The following NECTIN1 variants were observed in gnomAD, a reference collection of about 807,000 sequenced individuals.
NECTIN1 encodes nectin-1.
NECTIN1 carries 23 observed loss-of-function variants against 48.0 expected under a neutral mutation model. The ratio of observed to expected loss-of-function variants is 0.48; its 90% CI spans 0.34 to 0.68. The LOEUF (loss-of-function observed/expected upper bound fraction) is 0.68. NECTIN1 is among the 30% of genes least tolerant of loss of function. The pLI is 0.01. For missense variants in NECTIN1, 591 were observed against 709.9 expected (o/e 0.83, Z 1.90); for synonymous variants, 270 against 288.9 (o/e 0.93, Z 0.66).
At chr11:119,712,085 T>G (rs1362557534) in intron 1 of NECTIN1, among the ~76,000 whole-genome samples, 1 of 152,172 alleles carries the variant, frequency 6.6e-6, no homozygotes, top group African/African-American at 2.4e-5. Context: ...GGCTGTGTCT[T>G]GGGAAGAAGA....
In NECTIN1 at chr11:119,661,394, CCCGGTA is replaced by C; in HGVS notation, c.*3347_*3352del. On this transcript the variant is annotated 3_prime_UTR_variant, in exon 6 of 6. Transcript: ENST00000264025. Reference sequence around the variant, plus strand: ...GCAGAGGGGCCTGCCTCCTGGCATCCCCGGTACTGGGCAGTGTGTGAAGCCTCCCTG... The same window carrying C: ...GCAGAGGGGCCTGCCTCCTGGCATCCCTGGGCAGTGTGTGAAGCCTCCCTG... The C allele has an allele frequency of 5.1e-6, 5 of 986,316 alleles. No individual in the cohort carries two copies. Among genetic ancestry groups the C allele is most frequent in the Non-Finnish European group, 6.0e-6 (5 of 830,296 alleles). The allele number at this position is 986,316 out of a possible 1,614,324, so 61.1% of individuals were successfully genotyped here.
chr11:119,723,255 C>T (rs1477091675), intron 1 of NECTIN1, among the ~76,000 whole-genome samples: 1 of 149,296 alleles, frequency 6.7e-6, no homozygotes, highest in Non-Finnish European at 1.5e-5. Context: ...AAAACTGAGG[C>T]CTGTAAAGTG....
chr11:119,674,725 C>G (rs1864919183), intron 5 of NECTIN1: 1 of 1,613,788 alleles, frequency 6.2e-7, no homozygotes, highest in Admixed American at 1.7e-5. Context: ...TCCAGTCTCC[C>G]TGCTTGAGGT....
intron 1 of NECTIN1, among the ~76,000 whole-genome samples, chr11:119,728,062 C>T (rs1016730268): frequency 6.6e-6 from 1 of 152,204 alleles, no homozygotes; most frequent in Non-Finnish European, 1.5e-5. Flanking sequence ...CCCGCAGCTC[C>T]GAGACTGACG....
chr11:119,642,890 C>G (rs1344363908), intron 5 of NECTIN1: 2 of 153,672 alleles, frequency 1.3e-5, no homozygotes, highest in Non-Finnish European at 2.9e-5. Flanking sequence ...GCTGACACTA[C>G]TCTCCATTTT....
At chr11:119,674,086 C>T (rs1864905075) in intron 5 of NECTIN1, among the ~76,000 whole-genome samples, 1 of 152,226 alleles carries the variant, frequency 6.6e-6, no homozygotes. Context: ...AGGTCTCCCA[C>T]TCCCGAGACA....
intron 1 of NECTIN1, among the ~76,000 whole-genome samples, chr11:119,706,521 G>T (rs559717087): frequency 6.6e-6 from 1 of 152,218 alleles, no homozygotes; most frequent in Non-Finnish European, 1.5e-5. Flanking sequence ...CTCTCTGCAC[G>T]CATTGCACCC....
chr11:119,649,553 G>A (rs1864460298), intron 5 of NECTIN1, among the ~76,000 whole-genome samples: 1 of 152,030 alleles, frequency 6.6e-6, no homozygotes, highest in African/African-American at 2.4e-5. Context: ...AGCCAGGCAT[G>A]GCAGTGTGGG....
At position 119,727,212 on chromosome 11, in the gene NECTIN1, C is replaced by A. The variant is rs11603579; in HGVS notation, c.79+1263G>T. Among the ~76,000 whole-genome samples, 1 of 152,164 alleles carries A rather than the reference C, an allele frequency of 6.6e-6. No homozygotes were observed. The highest frequency in any genetic ancestry group is 6.5e-5 in the Admixed American group (1 of 15,282). On this transcript the variant is annotated intron_variant, in intron 1 of 5. Coordinates refer to ENST00000264025, the MANE Select transcript of NECTIN1 (RefSeq NM_002855.5). This position sits in a 1 kb window ranked among gnomAD's most constrained non-coding sequence, Gnocchi z 4.1. ...GCCTTCCAGGAGTGCACCCTAGCCC[C>A]GGAACTAGGCAGCCAGACTGTTCCC... is the stretch of plus-strand genomic sequence containing the variant.
intron 5 of NECTIN1, among the ~76,000 whole-genome samples, chr11:119,650,435 G>A (rs189865235): frequency 6.6e-6 from 1 of 152,256 alleles, no homozygotes; most frequent in Admixed American, 6.5e-5. Flanking sequence ...CTCTGATGAC[G>A]CCATTTGATA....
intron 1 of NECTIN1, among the ~76,000 whole-genome samples, chr11:119,707,364 G>A (rs1361057092): frequency 6.6e-6 from 1 of 152,112 alleles, no homozygotes; most frequent in Non-Finnish European, 1.5e-5. Context: ...ACCCTACCCT[G>A]TACCCACCAC....
At chr11:119,676,784 G>A (rs1864957933) in intron 4 of NECTIN1, 2 of 410,600 alleles carry the variant, frequency 4.9e-6, no homozygotes, top group Non-Finnish European at 9.2e-6. Context: ...GGGGGGTTGG[G>A]GTGGGAGTGA....
At position 119,709,237 on chromosome 11, in the gene NECTIN1, C is replaced by T. The variant is rs1230952686; in HGVS notation, c.79+19238G>A. Among the ~76,000 whole-genome samples, 5 of 152,118 alleles carry T rather than the reference C, an allele frequency of 3.3e-5. No homozygotes were observed. The highest frequency in any genetic ancestry group is 1.3e-4 in the Admixed American group (2 of 15,276). ...GGGAAATTAGGGCAGAAAATAACAC[C>T]GTGAAAACAGAACTGTCTGTTCAGA... is the stretch of plus-strand genomic sequence containing the variant. On this transcript the variant is annotated intron_variant, in intron 1 of 5. Coordinates refer to ENST00000264025, the MANE Select transcript of NECTIN1 (RefSeq NM_002855.5). The surrounding 1 kb of genome is among the most constrained non-coding windows in gnomAD (Gnocchi z 4.1).
At chr11:119,703,257 C>T (rs1028249212) in intron 1 of NECTIN1, among the ~76,000 whole-genome samples, 1 of 152,232 alleles carries the variant, frequency 6.6e-6, no homozygotes, top group Non-Finnish European at 1.5e-5. Flanking sequence ...GAGGATCTGA[C>T]CACGAGTTTC....
In NECTIN1 at chr11:119,668,859, G is replaced by T. The variant is rs186007468; in HGVS notation, c.1004-3562C>A. On this transcript the variant is annotated intron_variant, in intron 5 of 5. Coordinates refer to ENST00000264025, the MANE Select transcript of NECTIN1 (RefSeq NM_002855.5). ...TTCTCTTCTGCAGGAATGAGGACAG[G>T]GTTTGAGGAAGTGGCAGCCTCATGA... 3.5e-3 allele frequency among the ~76,000 whole-genome samples: 532 copies of T among 152,296 alleles called. 3 individuals carry two copies. The highest frequency in any genetic ancestry group is 6.6e-3 in the Non-Finnish European group (450 of 68,032).
chr11:119,659,974 A>C (rs1864634742), downstream of NECTIN1, among the ~76,000 whole-genome samples: 1 of 152,228 alleles, frequency 6.6e-6, no homozygotes, highest in African/African-American at 2.4e-5. Flanking sequence ...CCCTTCTAGG[A>C]TGCTGGGTTT....
chr11:119,673,922 C>T lies in NECTIN1; in HGVS notation c.1003+1237G>A, dbSNP rs1864901636. Among the ~76,000 whole-genome samples the T allele has an allele frequency of 6.6e-6, 1 of 152,216 alleles. No individual in the cohort carries two copies. Among genetic ancestry groups the T allele is most frequent in the Non-Finnish European group, 1.5e-5 (1 of 68,038 alleles). ...CTCCTCCTATGACTAGTCTCGGGGC[C>T]AAGGCCAGGGATTGCAGACAACAGC... On this transcript the variant is annotated intron_variant, in intron 5 of 5. Coordinates refer to ENST00000264025, the MANE Select transcript of NECTIN1 (RefSeq NM_002855.5). This position sits in a 1 kb window ranked among gnomAD's most constrained non-coding sequence, Gnocchi z 5.8.
Position 119,675,099 on chromosome 11 carries a change from G to A in NECTIN1, c.1003+60C>T. 3 of 1,582,576 alleles carry A rather than the reference G, an allele frequency of 1.9e-6. No individual in the cohort carries two copies. In the Admixed American group the frequency reaches 5.0e-5, roughly 27 times the overall value. ...GCAGTGGCATTGCTCAAAGGTGAGG[G>A]ATGCAGGTGGCGAAGGAACCCGTGG... is the stretch of plus-strand genomic sequence containing the variant. On this transcript the variant is annotated intron_variant, in intron 5 of 5. Transcript: ENST00000264025.
chr11:119,683,013 C>T lies in NECTIN1; in HGVS notation c.80-4248G>A, dbSNP rs559640026. 2.6e-5 allele frequency among the ~76,000 whole-genome samples: 4 copies of T among 152,330 alleles called. No homozygotes were observed. Among genetic ancestry groups the T allele is most frequent in the African/African-American group, 9.6e-5 (4 of 41,568 alleles). ...CATATGTGTCTAGCCTGTCTCCCAA[C>T]CAATTGTAAGCCCCTGCAGGAGATG... On this transcript the variant is annotated intron_variant, in intron 1 of 5. Coordinates refer to ENST00000264025, the MANE Select transcript of NECTIN1 (RefSeq NM_002855.5). The surrounding 1 kb of genome is among the most constrained non-coding windows in gnomAD (Gnocchi z 4.0).
Sources: gnomAD v4.1 joint callset for allele counts (sites outside exome capture counted in the v4.1 genomes callset) on GRCh38, gnomAD v4.1.1 for gene constraint, Gnocchi (gnomAD v3.1) non-coding constraint, MANE v1.5 for transcripts, NCBI Gene and HGNC (gene_info 2026-07-23, HGNC 2026-07-21) for gene names.